KSR2: variants seen among roughly 807,000 people sequenced by gnomAD.
KSR2 encodes the protein kinase suppressor of ras 2.
KSR2 carries 25 observed loss-of-function variants against 107.8 expected under a neutral mutation model. That is an observed-to-expected ratio of 0.23 (90% CI 0.17 to 0.32). The LOEUF (loss-of-function observed/expected upper bound fraction) is 0.32. Among genes scored for constraint, KSR2 ranks in the 10% least tolerant of loss-of-function variants. The probability of loss-of-function intolerance (pLI) is 1.00; values close to 1 mark genes in which losing one functional copy is unlikely to be tolerated. For synonymous variants in KSR2, 480 were observed against 507.0 expected (o/e 0.95, Z 0.71); for missense variants, 887 against 1,268.9 (o/e 0.70, Z 4.57).
intron 1 of KSR2, among the ~76,000 whole-genome samples, chr12:117,916,091 G>C (rs181739368): frequency 2.0e-4 from 30 of 147,772 alleles, no homozygotes; most frequent in African/African-American, 7.5e-4. Context: ...GGGTCTAAAA[G>C]TTCTCTACAA....
chr12:117,464,957 A>G lies in KSR2; in HGVS notation c.*2242T>C, dbSNP rs1871076137. 1 of 152,266 alleles carries G rather than the reference A, an allele frequency of 6.6e-6. No individual in the cohort carries two copies. The highest frequency in any genetic ancestry group is 2.4e-5 in the African/African-American group (1 of 41,464). 9.4% of individuals were successfully genotyped at this position (152,266 alleles called of 1,614,324 possible). A position where few individuals can be genotyped will look rare whatever the true frequency, so the allele number is the denominator to read the frequency against. ...CATTTTAGTTAATTCTGGAAACAAG[A>G]GAGGCAAGAGTGAGAAGGTGCCAGT... On this transcript the variant is annotated 3_prime_UTR_variant, in exon 20 of 20. Coordinates refer to ENST00000339824, the MANE Select transcript of KSR2 (RefSeq NM_173598.6).
chr12:117,704,798 G>A (rs1886457114), intron 4 of KSR2, among the ~76,000 whole-genome samples: 1 of 151,750 alleles, frequency 6.6e-6, no homozygotes, highest in African/African-American at 2.4e-5. Context: ...GGTGGAGGTT[G>A]TAGTGAGCCA....
At chr12:117,858,735 C>G (rs555255463) in intron 2 of KSR2, among the ~76,000 whole-genome samples, 6 of 152,338 alleles carry the variant, frequency 3.9e-5, no homozygotes, top group African/African-American at 1.2e-4. Flanking sequence ...TCCATCTGAG[C>G]TGGACATCCT....
chr12:117,529,459 T>A (rs1448990874), intron 12 of KSR2, among the ~76,000 whole-genome samples: 2 of 152,052 alleles, frequency 1.3e-5, no homozygotes, highest in Admixed American at 6.5e-5. Flanking sequence ...CAGGTGATCC[T>A]CCTACCTTGC....
At chr12:117,771,760 C>T (rs190398133) in intron 3 of KSR2, among the ~76,000 whole-genome samples, 15 of 152,150 alleles carry the variant, frequency 9.9e-5, no homozygotes, top group African/African-American at 3.6e-4. Context: ...TAACCTACAC[C>T]CTCACTTTCC....
rs375751976 is a variant in KSR2, at chr12:117,667,558, G to A, written c.1087C>T (p.Arg363Cys). Reference protein sequence around the residue: ...SQQRSPLLSERSLRSFFVGHA... With the variant: ...SQQRSPLLSECSLRSFFVGHA... ...CCCACAAAGAAGGAGCGGAGGGAGC[G>A]CTCGGACAGCAGCGGGGAGCGCTGC... is the stretch of plus-strand genomic sequence containing the variant. The change falls in exon 5 of 20, where the codon CGC becomes TGC. Residue 363 changes from arginine (R) to cysteine (C), a missense_variant. Arg to Cys is a radical substitution (Grantham distance 180, BLOSUM62 -3). This residue lies in a region of KSR2 where 399 missense variants were observed against 479.5 expected (regional missense o/e 0.83). Transcript: ENST00000339824. The A allele has an allele frequency of 7.4e-6, 12 of 1,612,982 alleles. No individual in the cohort carries two copies. The highest frequency in any genetic ancestry group is 6.7e-5 in the Admixed American group (4 of 59,922).
intron 4 of KSR2, among the ~76,000 whole-genome samples, chr12:117,753,957 T>A (rs1404313653): frequency 1.3e-4 from 11 of 87,994 alleles, no homozygotes; most frequent in Admixed American, 5.6e-4. Flanking sequence ...CGTGTGTGTG[T>A]GTGTGTGTGT....
chr12:117,737,390 G>C (rs1887986517), intron 4 of KSR2, among the ~76,000 whole-genome samples: 1 of 152,118 alleles, frequency 6.6e-6, no homozygotes, highest in Non-Finnish European at 1.5e-5. Context: ...CAGGAAATGG[G>C]TTAAGGTGGT....
intron 4 of KSR2, among the ~76,000 whole-genome samples, chr12:117,707,229 G>A (rs1222968600): frequency 6.6e-6 from 1 of 152,172 alleles, no homozygotes; most frequent in Non-Finnish European, 1.5e-5. Context: ...CTAGTTGGGA[G>A]CAGGGAGGTG....
intron 4 of KSR2, among the ~76,000 whole-genome samples, chr12:117,755,056 G>A (rs1007222406): frequency 2.6e-5 from 4 of 152,302 alleles, no homozygotes; most frequent in Non-Finnish European, 4.4e-5. Flanking sequence ...ATGAAAGAGA[G>A]ATAACTGGAA....
intron 1 of KSR2, among the ~76,000 whole-genome samples, chr12:117,894,066 C>T (rs1894432124): frequency 6.6e-6 from 1 of 152,138 alleles, no homozygotes; most frequent in Non-Finnish European, 1.5e-5. Context: ...CCTGCCACTA[C>T]ACCCGGCTAA....
chr12:117,803,167 G>A (rs187752408), intron 3 of KSR2, among the ~76,000 whole-genome samples: 1 of 152,276 alleles, frequency 6.6e-6, no homozygotes, highest in Non-Finnish European at 1.5e-5. Context: ...TTGTCAGAGT[G>A]ATTTATTGGG....
At chr12:117,823,291 C>T (rs1263730817) in intron 3 of KSR2, among the ~76,000 whole-genome samples, 1 of 152,112 alleles carries the variant, frequency 6.6e-6, no homozygotes, top group African/African-American at 2.4e-5. Flanking sequence ...GTCCAGAAGA[C>T]ACTGAAGGGG....
Position 117,790,713 on chromosome 12 carries a change from T to G in KSR2, c.473-29189A>C, listed in dbSNP as rs113683174. On this transcript the variant is annotated intron_variant, in intron 3 of 19. Coordinates refer to ENST00000339824, the MANE Select transcript of KSR2 (RefSeq NM_173598.6). ...TGCCAGCTTGACTTTTGCCTTAGCT[T>G]AGTGCTTCTGGTAGCCCATGGTTTA... 4.6e-3 allele frequency among the ~76,000 whole-genome samples: 699 copies of G among 152,344 alleles called. 9 individuals carry two copies. The highest frequency in any genetic ancestry group is 0.016 in the African/African-American group (679 of 41,570).
At chr12:117,698,843 G>A (rs992600776) in intron 4 of KSR2, among the ~76,000 whole-genome samples, 3 of 152,026 alleles carry the variant, frequency 2.0e-5, no homozygotes, top group African/African-American at 7.2e-5. Context: ...TCTTCTGATT[G>A]TCTCCTGACT....
At chr12:117,687,149 T>C (rs2136557901) in intron 4 of KSR2, among the ~76,000 whole-genome samples, 1 of 152,316 alleles carries the variant, frequency 6.6e-6, no homozygotes, top group African/African-American at 2.4e-5. Flanking sequence ...CTTGGGCAGG[T>C]CAGAATCTGT....
rs1316747238 is a variant in KSR2 at position 117,794,491 on chromosome 12, CCAACATGCACACA to C, written c.473-32980_473-32968del. ...ACTCACACCAACATGCACACTCACA[CCAACATGCACACA>C]CAACATGCACACACACCAACATGCA... is the stretch of plus-strand genomic sequence containing the variant. On this transcript the variant is annotated intron_variant, in intron 3 of 19. Coordinates refer to ENST00000339824, the MANE Select transcript of KSR2 (RefSeq NM_173598.6). Among the ~76,000 whole-genome samples, 772 of 119,146 alleles carry C rather than the reference CCAACATGCACACA, an allele frequency of 6.5e-3. 28 individuals carry two copies. Among genetic ancestry groups the C allele is most frequent in the African/African-American group, 0.019 (599 of 31,784 alleles). The allele number at this position is 119,146 out of a possible 152,430, so 78.2% of individuals were successfully genotyped here.
intron 7 of KSR2, among the ~76,000 whole-genome samples, chr12:117,561,289 T>C (rs1488472125): frequency 6.6e-6 from 1 of 152,210 alleles, no homozygotes; most frequent in Non-Finnish European, 1.5e-5. Context: ...TCTAAGATGG[T>C]TGAAAAACAT....
At chr12:117,498,579 C>G (rs564203892) in intron 14 of KSR2, among the ~76,000 whole-genome samples, 27 of 152,216 alleles carry the variant, frequency 1.8e-4, no homozygotes, top group African/African-American at 6.3e-4. Flanking sequence ...CCCTGTAGCT[C>G]GGGAGGGCTG....
Sources: allele counts gnomAD v4.1 joint callset (sites outside exome capture counted in the v4.1 genomes callset), GRCh38; gene constraint gnomAD v4.1.1; regional missense constraint gnomAD v4.1.1; transcripts MANE v1.5; gene names NCBI Gene and HGNC (gene_info 2026-07-23, HGNC 2026-07-21).